Variants in CNOT6 observed in about 807,000 individuals in gnomAD.
The protein encoded by CNOT6 is carbon catabolite repression 4 protein.
A neutral mutation model predicts 61.2 loss-of-function variants in CNOT6; 12 were observed. The ratio of observed to expected loss-of-function variants is 0.20; its 90% CI spans 0.13 to 0.32. The LOEUF (loss-of-function observed/expected upper bound fraction) is 0.32, where lower values mean the gene tolerates loss of function less well. Among genes scored for constraint, CNOT6 ranks in the 10% least tolerant of loss-of-function variants. The pLI, the probability that CNOT6 is intolerant of heterozygous loss-of-function variation, is 1.00. For missense variants in CNOT6, 405 were observed against 663.9 expected, an observed-to-expected ratio of 0.61 and a Z score of 4.28; for synonymous variants, 225 against 240.6, an observed-to-expected ratio of 0.94 and a Z score of 0.60.
At chr5:180,555,287 G>A (rs1199570815) in intron 4 of CNOT6, among the ~76,000 whole-genome samples, 3 of 152,156 alleles carry the variant, frequency 2.0e-5, no homozygotes, top group Admixed American at 6.5e-5. Flanking sequence ...GGTTACAGGC[G>A]TGAGCCACTG....
At chr5:180,512,349 G>C (rs184891517) in intron 1 of CNOT6, among the ~76,000 whole-genome samples, 8 of 152,276 alleles carry the variant, frequency 5.3e-5, no homozygotes, top group Non-Finnish European at 8.8e-5. Context: ...TTGGAGATAG[G>C]GAAGAGTGGA....
chr5:180,576,413 A>T lies in CNOT6; in HGVS notation c.*2213A>T, dbSNP rs981325305. 1.3e-5 allele frequency: 2 copies of T among 152,662 alleles called. No individual in the cohort carries two copies. The highest frequency in any genetic ancestry group is 2.4e-5 in the African/African-American group (1 of 41,456). 9.5% of individuals were successfully genotyped at this position (152,662 alleles called of 1,614,324 possible). Reference sequence around the variant, plus strand: ...TTCATAGATGCTGGAACTAGAGTGCACTTGTTAGATGCTAAAGGTTTGAGC... The same window carrying T: ...TTCATAGATGCTGGAACTAGAGTGCTCTTGTTAGATGCTAAAGGTTTGAGC... On this transcript the variant is annotated 3_prime_UTR_variant, in exon 12 of 12. Transcript: ENST00000261951.
chr5:180,505,095 A>AC (rs1364906099), intron 1 of CNOT6, among the ~76,000 whole-genome samples: 2 of 149,746 alleles, frequency 1.3e-5, no homozygotes, highest in Non-Finnish European at 3.0e-5. Flanking sequence ...AGTAGCTGGG[A>AC]CTACAGGCCT....
intron 3 of CNOT6, 111 bp from the exon 4 acceptor site, chr5:180,553,275 C>A: frequency 4.7e-5 from 25 of 532,336 alleles, no homozygotes; most frequent in Non-Finnish European, 6.8e-5. Context: ...TGAAATATAA[C>A]GTAACATTTT....
At chr5:180,568,952 G>A (rs772328307) in intron 9 of CNOT6, among the ~76,000 whole-genome samples, 158 bp from the exon 10 acceptor site, 2 of 152,142 alleles carry the variant, frequency 1.3e-5, no homozygotes, top group African/African-American at 2.4e-5. Flanking sequence ...TGTATTTCTC[G>A]GGTTTGTTGT....
At chr5:180,508,334 C>T (rs984047113) in intron 1 of CNOT6, among the ~76,000 whole-genome samples, 4 of 152,108 alleles carry the variant, frequency 2.6e-5, no homozygotes, top group South Asian at 2.1e-4. Context: ...TAGTATGAGA[C>T]GGAGTCTCGC....
At chr5:180,495,142 GGTGGCGCGCTGTGTGGAGT>G (rs1395287338) in intron 1 of CNOT6, among the ~76,000 whole-genome samples, 1 of 152,242 alleles carries the variant, frequency 6.6e-6, no homozygotes, top group Non-Finnish European at 1.5e-5. Flanking sequence ...CGCCTCTGTG[GGTGGCGCGCTGTGTGGAGT>G]GTGGAGCTTC....
At chr5:180,558,140 A>AGGGTACAGCTGTGCGT (rs1165488471) in intron 4 of CNOT6, among the ~76,000 whole-genome samples, 9 of 152,304 alleles carry the variant, frequency 5.9e-5, no homozygotes, top group Admixed American at 3.9e-4. Flanking sequence ...GAGCCTCAGA[A>AGGGTACAGCTGTGCGT]GGGTACAGCT....
intron 1 of CNOT6, among the ~76,000 whole-genome samples, chr5:180,522,587 C>T (rs1418996503): frequency 1.3e-5 from 2 of 152,028 alleles, no homozygotes; most frequent in Non-Finnish European, 2.9e-5. Context: ...GATGGTATCT[C>T]GTGGTTTTGA....
chr5:180,575,537 T>C lies in CNOT6; in HGVS notation c.*1337T>C, dbSNP rs1054975293. The C allele has an allele frequency of 1.3e-5, 2 of 152,546 alleles. No individual in the cohort carries two copies. The highest frequency in any genetic ancestry group is 4.8e-5 in the African/African-American group (2 of 41,440). The allele number at this position is 152,546 out of a possible 1,614,324, so 9.4% of individuals were successfully genotyped here. On this transcript the variant is annotated 3_prime_UTR_variant, in exon 12 of 12. Coordinates refer to ENST00000261951, the MANE Select transcript of CNOT6 (RefSeq NM_001370472.1). ...TTTATGAAGCAGTATGAATTAGATG[T>C]ATTTTCAAAACAGGTCCCTAAGACA... is the stretch of plus-strand genomic sequence containing the variant.
At chr5:180,554,986 T>G (rs1178717049) in intron 4 of CNOT6, among the ~76,000 whole-genome samples, 1 of 152,076 alleles carries the variant, frequency 6.6e-6, no homozygotes, top group Non-Finnish European at 1.5e-5. Flanking sequence ...TTATTTGAAG[T>G]TAGGGTCACC....
chr5:180,569,382 T>C, intron 10 of CNOT6, 42 bp downstream of exon 10: 25 of 1,407,866 alleles, frequency 1.8e-5, no homozygotes, highest in Non-Finnish European at 2.5e-5. Context: ...TTTTTTGACA[T>C]AAGATGATTT....
chr5:180,520,479 T>C (rs1757831251), intron 1 of CNOT6, among the ~76,000 whole-genome samples: 2 of 151,922 alleles, frequency 1.3e-5, no homozygotes, highest in Admixed American at 6.6e-5. Context: ...CCATCTCTAC[T>C]AAAAATACAA....
intron 9 of CNOT6, 93 bp downstream of exon 9, chr5:180,568,096 C>T (rs1760554189): frequency 1.6e-6 from 2 of 1,285,606 alleles, no homozygotes; most frequent in South Asian, 1.6e-5. Flanking sequence ...TATTCATGGT[C>T]TTGTCTAACA....
rs386405833 is a variant in CNOT6, at chr5:180,505,547, A to ATTTT, written c.-3+10799_-3+10802dup. Among the ~76,000 whole-genome samples the ATTTT allele has an allele frequency of 2.2e-3, 187 of 85,716 alleles. 14 individuals carry two copies. Among genetic ancestry groups the ATTTT allele is most frequent in the Non-Finnish European group, 3.3e-3 (152 of 46,212 alleles). 56.2% of individuals were successfully genotyped at this position (85,716 alleles called of 152,430 possible). Reference sequence around the variant, plus strand: ...CTGGGATTACAGGTGGTACTAGTTAATTTTTTTTTTTTTTTTTTGAGACGG... The same window carrying ATTTT: ...CTGGGATTACAGGTGGTACTAGTTAATTTTTTTTTTTTTTTTTTTTTTGAGACGG... On this transcript the variant is annotated intron_variant, in intron 1 of 11. Coordinates refer to ENST00000261951, the MANE Select transcript of CNOT6 (RefSeq NM_001370472.1).
intron 1 of CNOT6, among the ~76,000 whole-genome samples, chr5:180,516,316 A>C (rs569399688): frequency 5.3e-5 from 8 of 151,830 alleles, no homozygotes; most frequent in African/African-American, 1.9e-4. Flanking sequence ...AGTAGCTGGG[A>C]CTACAGGCAC....
At chr5:180,529,622 C>A (rs17698422) in intron 2 of CNOT6, among the ~76,000 whole-genome samples, 38,014 of 152,114 alleles carry the variant, frequency 0.25, 5,823 homozygotes, top group Middle Eastern at 0.4. Context: ...GTATCAGTGT[C>A]CTCTTACAAA....
chr5:180,542,021 G>A (rs950253679), intron 2 of CNOT6, among the ~76,000 whole-genome samples: 3 of 152,042 alleles, frequency 2.0e-5, no homozygotes, highest in Non-Finnish European at 2.9e-5. Flanking sequence ...GAGTTCTTCC[G>A]TGTTGCTCTG....
chr5:180,539,824 C>T (rs1018124259), intron 2 of CNOT6, among the ~76,000 whole-genome samples: 2 of 152,052 alleles, frequency 1.3e-5, no homozygotes, highest in Admixed American at 6.6e-5. Context: ...CTCCTGACCT[C>T]ATGATCCGCC....
Sources: allele counts gnomAD v4.1 joint callset (sites outside exome capture counted in the v4.1 genomes callset), GRCh38; gene constraint gnomAD v4.1.1; transcripts MANE v1.5; gene names NCBI Gene and HGNC (gene_info 2026-07-23, HGNC 2026-07-21).